Variants in NCOR1 observed in about 807,000 individuals in gnomAD.
NCOR1 encodes the protein protein phosphatase 1, regulatory subunit 109.
A neutral mutation model predicts 288.1 loss-of-function variants in NCOR1; 63 were observed. That is an observed-to-expected ratio of 0.22 (90% CI 0.18 to 0.27). The LOEUF (loss-of-function observed/expected upper bound fraction) is 0.27, where lower values mean the gene tolerates loss of function less well. Among genes scored for constraint, NCOR1 ranks in the 10% least tolerant of loss-of-function variants. NCOR1 has a pLI of 1.00. For synonymous variants in NCOR1, 1,007 were observed against 1,065.9 expected (o/e 0.94, Z 1.08); for missense variants, 2,397 against 3,019.2 (o/e 0.79, Z 4.83).
chr17:16,095,187 C>G (rs1415035538), intron 21 of NCOR1, among the ~76,000 whole-genome samples: 3 of 150,866 alleles, frequency 2.0e-5, no homozygotes, highest in Admixed American at 6.6e-5. Context: ...CGCCCATCGT[C>G]TGAGATGTGG....
At chr17:16,168,662 C>T (rs73280295) in intron 4 of NCOR1, among the ~76,000 whole-genome samples, 4,721 of 151,812 alleles carry the variant, frequency 0.031, 246 homozygotes, top group African/African-American at 0.11. Flanking sequence ...AGAATGTATA[C>T]AAAAAAATCA....
chr17:16,099,745 C>T (rs1051508458), intron 20 of NCOR1, among the ~76,000 whole-genome samples: 3 of 152,126 alleles, frequency 2.0e-5, no homozygotes, highest in Admixed American at 6.5e-5. Context: ...TAAAGACTGA[C>T]ACCATTAAAA....
At chr17:16,161,441 C>T (rs1246045683) in intron 5 of NCOR1, among the ~76,000 whole-genome samples, 1 of 152,022 alleles carries the variant, frequency 6.6e-6, no homozygotes, top group Non-Finnish European at 1.5e-5. Flanking sequence ...ATTACAGGCA[C>T]CCGCCACCAC....
intron 2 of NCOR1, among the ~76,000 whole-genome samples, chr17:16,193,758 G>A (rs2089139855): frequency 1.3e-5 from 2 of 152,032 alleles, no homozygotes; most frequent in Admixed American, 1.3e-4. Context: ...TCCCTACACA[G>A]GAACAACGTA....
chr17:16,155,765 T>C (rs1039060560), intron 6 of NCOR1, among the ~76,000 whole-genome samples: 1 of 152,164 alleles, frequency 6.6e-6, no homozygotes, highest in Non-Finnish European at 1.5e-5. Flanking sequence ...ACTTCTGTAA[T>C]TACCCCATTC....
chr17:16,167,820 A>C (rs983177648), intron 4 of NCOR1, among the ~76,000 whole-genome samples: 2 of 140,024 alleles, frequency 1.4e-5, no homozygotes, highest in African/African-American at 5.2e-5. Flanking sequence ...AGATGGCACC[A>C]CTGCACTCCA....
At chr17:16,073,070 C>T (rs1567841942) in intron 28 of NCOR1, among the ~76,000 whole-genome samples, 5 of 152,226 alleles carry the variant, frequency 3.3e-5, no homozygotes, top group Admixed American at 2.0e-4. Flanking sequence ...TTATCTGTCT[C>T]ACAATTCAAA....
At chr17:16,174,326 T>C (rs2153474991) in intron 3 of NCOR1, among the ~76,000 whole-genome samples, 1 of 152,350 alleles carries the variant, frequency 6.6e-6, no homozygotes, top group African/African-American at 2.4e-5. Context: ...AGATTCATCC[T>C]CCACTAAGGC....
chr17:16,206,874 G>A (rs1226911376), intron 1 of NCOR1, among the ~76,000 whole-genome samples: 1 of 150,222 alleles, frequency 6.7e-6, no homozygotes, highest in Non-Finnish European at 1.5e-5. Flanking sequence ...AAACTCAGTA[G>A]ATTACATCCA....
In NCOR1 at chr17:16,030,702, T is replaced by C. The variant is rs1035137803; in HGVS notation, c.*1594A>G. 2.8e-5 allele frequency: 5 copies of C among 179,676 alleles called. No individual in the cohort carries two copies. Among genetic ancestry groups the C allele is most frequent in the Non-Finnish European group, 6.0e-5 (5 of 84,014 alleles). The allele number at this position is 179,676 out of a possible 1,614,324, so 11.1% of individuals were successfully genotyped here. ...GGAACAGGGACAGGAGTGAAAGCTT[T>C]GACTGAAGACAAATGTGGGCTTATG... On this transcript the variant is annotated 3_prime_UTR_variant, in exon 46 of 46. Coordinates refer to ENST00000268712, the MANE Select transcript of NCOR1 (RefSeq NM_006311.4).
At chr17:16,126,280 TC>T in intron 14 of NCOR1, 74 bp from the exon 15 acceptor site, 2 of 1,392,008 alleles carry the variant, frequency 1.4e-6, no homozygotes, top group Non-Finnish European at 1.9e-6. Flanking sequence ...ATAAATTATG[TC>T]TATCTAAAAA....
chr17:16,117,478 A>G (rs1410093235), intron 18 of NCOR1, among the ~76,000 whole-genome samples: 2 of 151,452 alleles, frequency 1.3e-5, no homozygotes, highest in Admixed American at 6.6e-5. Context: ...TATAAGATAC[A>G]AAAAGGTTTC....
chr17:16,122,370 C>T (rs956475792), intron 15 of NCOR1, among the ~76,000 whole-genome samples: 1 of 152,166 alleles, frequency 6.6e-6, no homozygotes, highest in Non-Finnish European at 1.5e-5. Flanking sequence ...TAGTCCTTTC[C>T]CTTTACTTAC....
At chr17:16,165,524 T>C (rs1358669307) in intron 4 of NCOR1, among the ~76,000 whole-genome samples, 3 of 152,252 alleles carry the variant, frequency 2.0e-5, no homozygotes, top group African/African-American at 7.2e-5. Flanking sequence ...TCAAATGGTC[T>C]GAACAACTGG....
At chr17:16,099,458 T>A (rs2067221918) in intron 20 of NCOR1, among the ~76,000 whole-genome samples, 1 of 152,236 alleles carries the variant, frequency 6.6e-6, no homozygotes, top group Non-Finnish European at 1.5e-5. Flanking sequence ...TTGAAAGTGT[T>A]ATTTCGGTCA....
intron 15 of NCOR1, among the ~76,000 whole-genome samples, chr17:16,122,423 T>TA (rs1437377997): frequency 6.6e-6 from 1 of 152,214 alleles, no homozygotes; most frequent in Non-Finnish European, 1.5e-5. Flanking sequence ...AGCCTCCTGT[T>TA]AAAAGATGTT....
At chr17:16,200,076 CA>C (rs888447510) in intron 1 of NCOR1, among the ~76,000 whole-genome samples, 15 of 146,178 alleles carry the variant, frequency 1.0e-4, no homozygotes, top group Admixed American at 2.1e-4. Context: ...ACTATCCTGC[CA>C]AAAAAAAAAG....
At chr17:16,109,239 AAAC>A (rs1472366255) in intron 18 of NCOR1, among the ~76,000 whole-genome samples, 2 of 151,978 alleles carry the variant, frequency 1.3e-5, no homozygotes, top group African/African-American at 4.8e-5. Context: ...TATCTAATAA[AAAC>A]AATATATATA....
At chr17:16,092,159 A>C in intron 21 of NCOR1, 101 bp from the exon 22 acceptor site, 1 of 1,358,684 alleles carries the variant, frequency 7.4e-7, no homozygotes, top group Admixed American at 2.0e-5. Flanking sequence ...TTATTGGTTG[A>C]ATTGATTTTA....
Sources: allele counts gnomAD v4.1 joint callset (sites outside exome capture counted in the v4.1 genomes callset), GRCh38; gene constraint gnomAD v4.1.1; transcripts MANE v1.5; gene names NCBI Gene and HGNC (gene_info 2026-07-23, HGNC 2026-07-21).